The following CNTNAP4 variants were observed in gnomAD, a reference collection of about 807,000 sequenced individuals.
The protein encoded by CNTNAP4 is contactin associated protein family member 4, also known as contactin-associated protein-like 4.
Under a neutral mutation model 148.4 loss-of-function variants are expected in CNTNAP4, and 98 were observed. The ratio of observed to expected loss-of-function variants is 0.66; its 90% CI spans 0.56 to 0.78. CNTNAP4 has a LOEUF of 0.78. Ranked by LOEUF, CNTNAP4 falls within the 30% of genes least tolerant of loss-of-function variation. CNTNAP4 has a pLI of 0.00. For synonymous variants in CNTNAP4, 730 were observed against 565.1 expected, an observed-to-expected ratio of 1.29 and a Z score of -4.14; for missense variants, 1,935 against 1,565.6, an observed-to-expected ratio of 1.24 and a Z score of -3.98.
At chr16:76,450,113 G>A (rs2080403945) in intron 7 of CNTNAP4, among the ~76,000 whole-genome samples, 1 of 151,942 alleles carries the variant, frequency 6.6e-6, no homozygotes, top group East Asian at 1.9e-4. Context: ...TTATTGTGAT[G>A]TCATTACTCA....
intron 13 of CNTNAP4, 40 bp downstream of exon 13, chr16:76,489,923 A>T (rs779931117): frequency 7.6e-7 from 1 of 1,316,430 alleles, no homozygotes; most frequent in Admixed American, 2.5e-5. Flanking sequence ...CACACATCAC[A>T]TCATGCACTT....
chr16:76,449,790 A>C lies in CNTNAP4; in HGVS notation c.1003A>C (p.Asn335His), dbSNP rs1478898850. The change falls in exon 7 of 24, where the codon AAT (asparagine) becomes CAT (histidine). Residue 335 changes from asparagine (N) to histidine (H), a missense_variant. Asn to His is a moderately conservative substitution (Grantham distance 68). Transcript: ENST00000611870. ...PHRNFHGCLE[N>H]LYYNGVDIID... ...TAGAAATTTTCATGGATGTTTAGAA[A>C]ATCTCTATTATAATGGAGTGGATAT... 6.2e-7 allele frequency: 1 copy of C among 1,601,424 alleles called. No individual in the cohort carries two copies. The highest frequency in any genetic ancestry group is 1.3e-5 in the African/African-American group (1 of 74,824).
chr16:76,374,744 A>ATTATTG (rs2015232277), intron 3 of CNTNAP4, among the ~76,000 whole-genome samples: 2 of 104,832 alleles, frequency 1.9e-5, no homozygotes, highest in Non-Finnish European at 4.2e-5. Context: ...CTATGACACT[A>ATTATTG]TTATTATTAT....
chr16:76,412,547 G>T (rs1420019944), intron 3 of CNTNAP4, among the ~76,000 whole-genome samples: 1 of 151,228 alleles, frequency 6.6e-6, no homozygotes, highest in East Asian at 1.9e-4. Flanking sequence ...GATGTTTATT[G>T]TTACCCTCAT....
chr16:76,449,032 G>A (rs2143179704), intron 6 of CNTNAP4, 81 bp downstream of exon 6: 5 of 1,288,464 alleles, frequency 3.9e-6, no homozygotes, highest in African/African-American at 3.0e-5. Flanking sequence ...ACACTATAAA[G>A]AGCCCACCTT....
intron 4 of CNTNAP4, chr16:76,432,379 T>C (rs937532971): frequency 1.3e-5 from 2 of 152,178 alleles, no homozygotes; most frequent in African/African-American, 4.8e-5. Context: ...TGTTCTACTT[T>C]TATGTCAGTA....
chr16:76,458,514 G>A (rs2080819588), intron 8 of CNTNAP4, among the ~76,000 whole-genome samples: 1 of 152,002 alleles, frequency 6.6e-6, no homozygotes, highest in African/African-American at 2.4e-5. Flanking sequence ...CCCATCTGGG[G>A]GTGATTTGAG....
intron 13 of CNTNAP4, among the ~76,000 whole-genome samples, chr16:76,491,052 G>T (rs995316458): frequency 6.6e-6 from 1 of 152,064 alleles, no homozygotes; most frequent in Non-Finnish European, 1.5e-5. Context: ...CTGCATTTCC[G>T]ATTAAGTCTC....
chr16:76,452,893 A>T, intron 8 of CNTNAP4, 124 bp downstream of exon 8: 1 of 890,032 alleles, frequency 1.1e-6, no homozygotes, highest in Non-Finnish European at 1.6e-6. Flanking sequence ...CAGGTTAATA[A>T]GATTATAAGT....
At chr16:76,353,284 T>C (rs1439686592) in intron 2 of CNTNAP4, among the ~76,000 whole-genome samples, 2 of 152,220 alleles carry the variant, frequency 1.3e-5, no homozygotes, top group Non-Finnish European at 1.5e-5. Context: ...ACAGGGATTA[T>C]ACCTGAATGC....
intron 1 of CNTNAP4, chr16:76,310,050 T>G (rs1483807554): frequency 3.4e-6 from 2 of 594,938 alleles, no homozygotes; most frequent in Non-Finnish European, 3.0e-6. Flanking sequence ...AAGTCTGGCT[T>G]CCTGGACTGG....
intron 3 of CNTNAP4, among the ~76,000 whole-genome samples, chr16:76,368,421 A>C (rs1230340862): frequency 1.3e-5 from 2 of 152,206 alleles, no homozygotes; most frequent in African/African-American, 4.8e-5. Flanking sequence ...ACTTGGAACC[A>C]ACCCAAATGC....
chr16:76,551,395 T>TAAA (rs746520267), intron 21 of CNTNAP4, among the ~76,000 whole-genome samples: 1 of 140,918 alleles, frequency 7.1e-6, no homozygotes, highest in African/African-American at 2.6e-5. Context: ...GAGAGTCTGT[T>TAAA]AAAAAAAAAA....
At chr16:76,352,632 A>G (rs1377008319) in intron 2 of CNTNAP4, among the ~76,000 whole-genome samples, 2 of 152,152 alleles carry the variant, frequency 1.3e-5, no homozygotes, top group Non-Finnish European at 2.9e-5. Flanking sequence ...AAGGCCTTCA[A>G]CAAAGTGCCT....
At chr16:76,372,660 C>T (rs576508792) in intron 3 of CNTNAP4, among the ~76,000 whole-genome samples, 1 of 151,610 alleles carries the variant, frequency 6.6e-6, no homozygotes, top group Admixed American at 6.5e-5. Context: ...GTAAGACATG[C>T]CTTCTGCCAT....
intron 15 of CNTNAP4, among the ~76,000 whole-genome samples, chr16:76,511,875 GA>G (rs1168008778): frequency 6.8e-6 from 1 of 147,496 alleles, no homozygotes; most frequent in Non-Finnish European, 1.5e-5. Flanking sequence ...ATAATCAATT[GA>G]AATATGTGGT....
rs560332268 is a variant in CNTNAP4 at position 76,290,716 on chromosome 16, A to G, written c.85+12969A>G. On this transcript the variant is annotated intron_variant, in intron 1 of 23. Coordinates refer to ENST00000611870, the MANE Select transcript of CNTNAP4 (RefSeq NM_033401.5). ...CCAGTTTTGTTCCTTTCCTCCATAA[A>G]AGCTTCACTCCTTCCCGATGTTCAG... Among the ~76,000 whole-genome samples, 13 of 152,178 alleles carry G rather than the reference A, an allele frequency of 8.5e-5. No individual in the cohort carries two copies. In the South Asian group the frequency reaches 1.3e-3, roughly 15 times the overall value.
rs189929674 is a variant in CNTNAP4 at position 76,430,426 on chromosome 16, T to C, written c.538+2827T>C. 2.6e-5 allele frequency among the ~76,000 whole-genome samples: 4 copies of C among 152,274 alleles called. No homozygotes were observed. In the East Asian group the frequency reaches 7.7e-4, roughly 29 times the overall value. The stretch of plus-strand genomic sequence containing the variant: ...GGGCTGTAGTTGCTATCATCACAAG[T>C]ATCCTGTTGCAAGAGTTTGTCTGCA... On this transcript the variant is annotated intron_variant, in intron 4 of 23. Transcript: ENST00000611870.
chr16:76,347,013 C>CTGGG (rs1311785996), intron 2 of CNTNAP4, among the ~76,000 whole-genome samples: 16 of 152,084 alleles, frequency 1.1e-4, no homozygotes, highest in Non-Finnish European at 1.0e-4. Context: ...AAGAACCTTG[C>CTGGG]TGGGGAGTTG....
Sources: gnomAD v4.1 joint callset for allele counts (sites outside exome capture counted in the v4.1 genomes callset) on GRCh38, gnomAD v4.1.1 for gene constraint, MANE v1.5 for transcripts, NCBI Gene and HGNC (gene_info 2026-07-23, HGNC 2026-07-21) for gene names.